SETBP1: variants seen among roughly 807,000 people sequenced by gnomAD.
The protein encoded by SETBP1 is SET-binding protein.
In SETBP1, 9 loss-of-function variants were observed where a neutral mutation model predicts 101.0. The ratio of observed to expected loss-of-function variants is 0.09; its 90% confidence interval spans 0.05 to 0.16. The LOEUF (loss-of-function observed/expected upper bound fraction) is 0.16. Among genes scored for constraint, SETBP1 ranks in the 10% least tolerant of loss-of-function variants. SETBP1 has a pLI of 1.00. For synonymous variants in SETBP1, 818 were observed against 788.5 expected, an observed-to-expected ratio of 1.04 and a Z score of -0.63; for missense variants, 1,858 against 2,033.8, an observed-to-expected ratio of 0.91 and a Z score of 1.66.
intron 2 of SETBP1, among the ~76,000 whole-genome samples, chr18:44,705,019 C>A (rs1395331438): frequency 6.6e-6 from 1 of 152,142 alleles, no homozygotes; most frequent in Non-Finnish European, 1.5e-5. Flanking sequence ...TATGTGCTGA[C>A]TTTGAGCTGC....
chr18:44,748,980 A>G (rs1334510305), intron 2 of SETBP1, among the ~76,000 whole-genome samples: 1 of 152,148 alleles, frequency 6.6e-6, no homozygotes. Context: ...CTCTGTTGTA[A>G]TCTCCATGAC....
At chr18:44,929,955 A>G (rs2070790016) in intron 3 of SETBP1, among the ~76,000 whole-genome samples, 1 of 152,246 alleles carries the variant, frequency 6.6e-6, no homozygotes, top group Non-Finnish European at 1.5e-5. Flanking sequence ...TGCCCTGGCC[A>G]GAACTTCCAA....
At chr18:44,802,354 A>T (rs2071624693) in intron 2 of SETBP1, among the ~76,000 whole-genome samples, 1 of 152,178 alleles carries the variant, frequency 6.6e-6, no homozygotes, top group African/African-American at 2.4e-5. Context: ...GGAATCAATT[A>T]TGAAGACCCA....
At chr18:44,769,134 G>A (rs1157718324) in intron 2 of SETBP1, among the ~76,000 whole-genome samples, 2 of 152,186 alleles carry the variant, frequency 1.3e-5, no homozygotes, top group African/African-American at 2.4e-5. Context: ...TTGGTGGTTG[G>A]TCCAGAAAAG....
intron 2 of SETBP1, among the ~76,000 whole-genome samples, chr18:44,813,938 T>A (rs553749344): frequency 6.6e-6 from 1 of 152,174 alleles, no homozygotes; most frequent in African/African-American, 2.4e-5. Context: ...GTCTGCCAGG[T>A]TGAATCTGCA....
intron 2 of SETBP1, among the ~76,000 whole-genome samples, chr18:44,800,120 A>G (rs141922895): frequency 6.6e-6 from 1 of 152,278 alleles, no homozygotes; most frequent in African/African-American, 2.4e-5. Context: ...AAATTGTCAA[A>G]ACTCAGGCTG....
intron 1 of SETBP1, among the ~76,000 whole-genome samples, chr18:44,700,473 G>T (rs977626652): frequency 5.9e-5 from 9 of 152,136 alleles, no homozygotes; most frequent in African/African-American, 2.2e-4. Flanking sequence ...TCTCTTTTGT[G>T]TCAGTAGAAA....
intron 2 of SETBP1, among the ~76,000 whole-genome samples, chr18:44,799,615 A>G (rs1449611616): frequency 6.6e-6 from 1 of 152,172 alleles, no homozygotes; most frequent in African/African-American, 2.4e-5. Flanking sequence ...CCATGATCAC[A>G]CTAGGCTTGA....
intron 2 of SETBP1, among the ~76,000 whole-genome samples, chr18:44,734,480 C>G (rs1043867790): frequency 6.6e-6 from 1 of 152,140 alleles, no homozygotes; most frequent in African/African-American, 2.4e-5. Context: ...GTTTGACATT[C>G]TAGGATCTTC....
At chr18:44,785,767 G>C (rs147272866) in intron 2 of SETBP1, among the ~76,000 whole-genome samples, 16 of 152,086 alleles carry the variant, frequency 1.1e-4, no homozygotes, top group Non-Finnish European at 1.6e-4. Context: ...TTCAGGTTAG[G>C]GCCAAGGATG....
intron 4 of SETBP1, among the ~76,000 whole-genome samples, chr18:44,979,573 T>C (rs764106353): frequency 1.3e-5 from 2 of 152,204 alleles, no homozygotes; most frequent in Non-Finnish European, 2.9e-5. Flanking sequence ...ACAGGGGTAA[T>C]GTATTTGTGT....
At chr18:45,029,960 G>A (rs1568038304) in intron 4 of SETBP1, among the ~76,000 whole-genome samples, 1 of 149,854 alleles carries the variant, frequency 6.7e-6, no homozygotes, top group Non-Finnish European at 1.5e-5. Context: ...CTGCAAACAG[G>A]GACAATTTGA....
intron 2 of SETBP1, among the ~76,000 whole-genome samples, chr18:44,804,814 A>G (rs769286301): frequency 1.4e-4 from 22 of 152,096 alleles, no homozygotes; most frequent in Non-Finnish European, 2.5e-4. Flanking sequence ...GTGATTTCTG[A>G]TAGAGCTTGC....
chr18:44,809,067 A>G (rs1417310684), intron 2 of SETBP1, among the ~76,000 whole-genome samples: 1 of 152,202 alleles, frequency 6.6e-6, no homozygotes, highest in Non-Finnish European at 1.5e-5. Context: ...TTTCTATTCA[A>G]CTACTGGAAG....
chr18:44,789,900 G>A (rs1360372569), intron 2 of SETBP1, among the ~76,000 whole-genome samples: 1 of 152,088 alleles, frequency 6.6e-6, no homozygotes, highest in Non-Finnish European at 1.5e-5. Flanking sequence ...AGGCCTGCCC[G>A]GGGCTGCTTT....
chr18:44,917,402 G>C (rs2070455430), intron 3 of SETBP1, among the ~76,000 whole-genome samples: 1 of 152,162 alleles, frequency 6.6e-6, no homozygotes, highest in Non-Finnish European at 1.5e-5. Context: ...TGATCCCAGA[G>C]TTACTCAGCT....
chr18:44,818,880 A>C (rs1388675151), intron 2 of SETBP1, among the ~76,000 whole-genome samples: 1 of 151,536 alleles, frequency 6.6e-6, no homozygotes, highest in Non-Finnish European at 1.5e-5. Context: ...CATCTTACAT[A>C]TCCTTTTGAG....
intron 2 of SETBP1, among the ~76,000 whole-genome samples, chr18:44,809,313 A>G (rs1160901540): frequency 6.6e-6 from 1 of 152,234 alleles, no homozygotes; most frequent in East Asian, 1.9e-4. Flanking sequence ...CTGGGAAGAG[A>G]CTTCAGAAAC....
chr18:44,864,370 C>T (rs1377379403), intron 2 of SETBP1, among the ~76,000 whole-genome samples: 2 of 152,136 alleles, frequency 1.3e-5, no homozygotes, highest in African/African-American at 2.4e-5. Flanking sequence ...CTACTCTCAC[C>T]TCCTTAGGAC....
Sources: gnomAD v4.1 joint callset for allele counts (sites outside exome capture counted in the v4.1 genomes callset) on GRCh38, gnomAD v4.1.1 for gene constraint, MANE v1.5 for transcripts, NCBI Gene and HGNC (gene_info 2026-07-23, HGNC 2026-07-21) for gene names.